The following ADAMTS19 variants were observed in gnomAD, a reference collection of about 807,000 sequenced individuals.
The protein encoded by ADAMTS19 is A disintegrin and metalloproteinase with thrombospondin motifs 19.
ADAMTS19 carries 93 observed loss-of-function variants against 153.3 expected under a neutral mutation model. The observed-to-expected ratio is 0.61, with a 90% CI of 0.51 to 0.72. The LOEUF (loss-of-function observed/expected upper bound fraction) is 0.72. Among genes scored for constraint, ADAMTS19 ranks in the 30% least tolerant of loss-of-function variants. The pLI, the probability that ADAMTS19 is intolerant of heterozygous loss-of-function variation, is 0.00. For synonymous variants in ADAMTS19, 600 were observed against 556.6 expected, an observed-to-expected ratio of 1.08 and a Z score of -1.10; for missense variants, 1,482 against 1,552.1, an observed-to-expected ratio of 0.95 and a Z score of 0.76.
At chr5:129,666,463 A>T (rs954942140) in intron 16 of ADAMTS19, among the ~76,000 whole-genome samples, 5 of 152,128 alleles carry the variant, frequency 3.3e-5, no homozygotes, top group Non-Finnish European at 7.4e-5. Flanking sequence ...AATGAGCAAT[A>T]ATGTTCCAAC....
In ADAMTS19 at chr5:129,694,758, A is replaced by G; in HGVS notation, c.2857A>G (p.Ser953Gly). ...AACAGTGTCCTGCACAAAAATCATG[A>G]GCAAAAATATCAGCATTGTGGACAA... is the stretch of plus-strand genomic sequence containing the variant. ...KTTVSCTKIM[S>G]KNISIVDNEK... is the part of the protein sequence containing the mutation. The change falls in exon 19 of 23, where the codon AGC becomes GGC. Residue 953 changes from serine to glycine, a missense_variant. Ser to Gly is a moderately conservative substitution (Grantham distance 56). Coordinates refer to ENST00000274487, the MANE Select transcript of ADAMTS19 (RefSeq NM_133638.6). The G allele has an allele frequency of 6.2e-7, 1 of 1,606,688 alleles. No individual in the cohort carries two copies. Among genetic ancestry groups the G allele is most frequent in the Non-Finnish European group, 8.5e-7 (1 of 1,176,330 alleles).
intron 21 of ADAMTS19, among the ~76,000 whole-genome samples, chr5:129,711,989 G>T (rs1422194535): frequency 6.6e-6 from 1 of 151,822 alleles, no homozygotes; most frequent in African/African-American, 2.4e-5. Flanking sequence ...AACTTTCAAA[G>T]AATAGTTATG....
chr5:129,633,305 G>A (rs30697), intron 10 of ADAMTS19, among the ~76,000 whole-genome samples: 24,877 of 151,880 alleles, frequency 0.16, 2,283 homozygotes, highest in East Asian at 0.31. Context: ...TATATTCATA[G>A]AGTCAGTTTC....
intron 11 of ADAMTS19, among the ~76,000 whole-genome samples, chr5:129,643,602 C>G (rs1752925347): frequency 6.6e-6 from 1 of 151,668 alleles, no homozygotes. Flanking sequence ...AAAAAATGTA[C>G]AAATTGTTTA....
At chr5:129,462,599 T>TTGTG (rs377473471) in intron 2 of ADAMTS19, among the ~76,000 whole-genome samples, 18 of 149,046 alleles carry the variant, frequency 1.2e-4, no homozygotes, top group Middle Eastern at 3.4e-3. Context: ...AAGTTGACCT[T>TTGTG]TGTGTGTGTG....
At chr5:129,676,190 G>C (rs1754542968) in intron 16 of ADAMTS19, among the ~76,000 whole-genome samples, 1 of 152,018 alleles carries the variant, frequency 6.6e-6, no homozygotes, top group Non-Finnish European at 1.5e-5. Context: ...GTTGGATGCT[G>C]GATATTATGA....
intron 1 of ADAMTS19, 165 bp downstream of exon 1, chr5:129,460,647 G>A: frequency 4.3e-6 from 3 of 703,996 alleles, no homozygotes. Context: ...GTTCGGAAAT[G>A]AAGCACACTT....
intron 18 of ADAMTS19, among the ~76,000 whole-genome samples, chr5:129,692,372 T>C (rs772339102): frequency 6.6e-6 from 1 of 152,160 alleles, no homozygotes; most frequent in Non-Finnish European, 1.5e-5. Flanking sequence ...CATTTCTGCT[T>C]CTCTAGCAGT....
Position 129,501,857 on chromosome 5 carries a change from A to G in ADAMTS19, c.748-7220A>G, listed in dbSNP as rs180955192. On this transcript the variant is annotated intron_variant, in intron 2 of 22. Transcript: ENST00000274487. ...TTTAAATAGGCTTGAAAAAGAGTAA[A>G]GGTCCATATAATTTTTAGCTTGGGT... Among the ~76,000 whole-genome samples, 417 of 152,246 alleles carry G rather than the reference A, an allele frequency of 2.7e-3. 2 individuals carry two copies. Among genetic ancestry groups the G allele is most frequent in the African/African-American group, 9.4e-3 (390 of 41,564 alleles).
intron 13 of ADAMTS19, 86 bp from the exon 14 acceptor site, chr5:129,654,220 A>G (rs1753441511): frequency 7.7e-7 from 1 of 1,301,082 alleles, no homozygotes; most frequent in South Asian, 1.5e-5. Context: ...TTTTTTACTC[A>G]ATAACGATTC....
At chr5:129,533,779 A>G (rs1389372756) in intron 6 of ADAMTS19, among the ~76,000 whole-genome samples, 2 of 151,826 alleles carry the variant, frequency 1.3e-5, no homozygotes, top group Admixed American at 6.6e-5. Context: ...TGTAACAGAG[A>G]TTCTGGTATG....
At chr5:129,537,728 A>T (rs1490420108) in intron 6 of ADAMTS19, among the ~76,000 whole-genome samples, 1 of 151,984 alleles carries the variant, frequency 6.6e-6, no homozygotes, top group Non-Finnish European at 1.5e-5. Context: ...TTGAACAATG[A>T]GAACACATGG....
intron 2 of ADAMTS19, among the ~76,000 whole-genome samples, chr5:129,462,615 G>T (rs887437937): frequency 6.9e-6 from 1 of 145,008 alleles, no homozygotes; most frequent in Admixed American, 6.7e-5. Context: ...GTGTGTGTGT[G>T]TGGGGGGGTC....
chr5:129,528,782 T>G (rs1413237332), intron 6 of ADAMTS19, 105 bp downstream of exon 6: 1 of 941,876 alleles, frequency 1.1e-6, no homozygotes, highest in Non-Finnish European at 1.5e-6. Flanking sequence ...ATTTCGTGTT[T>G]CAAGAGTGAT....
chr5:129,604,967 G>A (rs1750822722), intron 8 of ADAMTS19, among the ~76,000 whole-genome samples: 1 of 152,112 alleles, frequency 6.6e-6, no homozygotes, highest in African/African-American at 2.4e-5. Context: ...TTATCTTTGA[G>A]TGTTCTCTGT....
chr5:129,685,642 G>A (rs552577230), intron 18 of ADAMTS19, among the ~76,000 whole-genome samples: 2 of 152,240 alleles, frequency 1.3e-5, no homozygotes, highest in Admixed American at 1.3e-4. Context: ...AATAGCAGAA[G>A]AATTGAAGAA....
intron 10 of ADAMTS19, among the ~76,000 whole-genome samples, chr5:129,628,520 G>A (rs540849225): frequency 2.4e-4 from 37 of 152,056 alleles, no homozygotes; most frequent in Middle Eastern, 3.4e-3. Context: ...GAGATTAGAC[G>A]GTTGATATTT....
At chr5:129,628,310 G>A (rs1299483942) in intron 10 of ADAMTS19, among the ~76,000 whole-genome samples, 2 of 151,998 alleles carry the variant, frequency 1.3e-5, no homozygotes, top group Non-Finnish European at 2.9e-5. Flanking sequence ...GAAGGCTGGA[G>A]GGTGGGAGGA....
intron 15 of ADAMTS19, among the ~76,000 whole-genome samples, chr5:129,661,288 A>G (rs1753803362): frequency 6.6e-6 from 1 of 152,226 alleles, no homozygotes; most frequent in South Asian, 2.1e-4. Context: ...AATTATCAGC[A>G]TAGTATGCGA....
Sources: allele counts gnomAD v4.1 joint callset (sites outside exome capture counted in the v4.1 genomes callset), GRCh38; gene constraint gnomAD v4.1.1; transcripts MANE v1.5; gene names NCBI Gene and HGNC (gene_info 2026-07-23, HGNC 2026-07-21).